The following ZFPM2 variants were observed in gnomAD, a reference collection of about 807,000 sequenced individuals.
ZFPM2 encodes zinc finger protein, FOG family member 2, also known as zinc finger protein ZFPM2.
In ZFPM2, 20 loss-of-function variants were observed where a neutral mutation model predicts 98.6. That is an observed-to-expected ratio of 0.20 (90% confidence interval 0.14 to 0.29). The LOEUF (loss-of-function observed/expected upper bound fraction) is 0.29, where lower values mean the gene tolerates loss of function less well. ZFPM2 is among the 10% of genes least tolerant of loss of function. The pLI, the probability that ZFPM2 is intolerant of heterozygous loss-of-function variation, is 1.00. For missense variants in ZFPM2, 1,310 were observed against 1,388.6 expected (o/e 0.94, Z 0.90); for synonymous variants, 518 against 502.7 (o/e 1.03, Z -0.41).
At chr8:105,454,837 C>T (rs144347958) in intron 3 of ZFPM2, among the ~76,000 whole-genome samples, 199 of 152,200 alleles carry the variant, frequency 1.3e-3, no homozygotes, top group African/African-American at 4.5e-3. Context: ...CTTCACCCTC[C>T]AAAAGTGACT....
intron 2 of ZFPM2, among the ~76,000 whole-genome samples, chr8:105,429,770 A>G (rs1305970351): frequency 6.6e-6 from 1 of 151,516 alleles, no homozygotes; most frequent in Non-Finnish European, 1.5e-5. Context: ...GATGTGTTTT[A>G]TTTACAATAT....
chr8:105,760,330 A>C (rs1812707022), intron 5 of ZFPM2, among the ~76,000 whole-genome samples: 1 of 152,088 alleles, frequency 6.6e-6, no homozygotes, highest in Admixed American at 6.6e-5. Flanking sequence ...TACATATTTA[A>C]AAGAAATTTA....
chr8:105,335,884 C>T (rs1812316078), intron 1 of ZFPM2, among the ~76,000 whole-genome samples: 1 of 151,738 alleles, frequency 6.6e-6, no homozygotes, highest in South Asian at 2.1e-4. Flanking sequence ...ATGGTGCTGC[C>T]CCTCCCTAAC....
intron 1 of ZFPM2, among the ~76,000 whole-genome samples, chr8:105,409,155 T>C (rs1169844369): frequency 6.6e-6 from 1 of 151,810 alleles, no homozygotes; most frequent in Non-Finnish European, 1.5e-5. Flanking sequence ...TGTTAGGCCC[T>C]CAAAAGAGGG....
intron 3 of ZFPM2, among the ~76,000 whole-genome samples, chr8:105,446,825 A>T (rs1812381132): frequency 6.6e-6 from 1 of 152,172 alleles, no homozygotes; most frequent in Non-Finnish European, 1.5e-5. Flanking sequence ...TTTTATTATT[A>T]TGAAAATCCC....
chr8:105,666,154 T>C (rs1011571689), intron 5 of ZFPM2, among the ~76,000 whole-genome samples: 2 of 152,182 alleles, frequency 1.3e-5, no homozygotes, highest in African/African-American at 4.8e-5. Context: ...ATTTCAGGGA[T>C]GGGGGCAGGT....
At chr8:105,328,365 G>T (rs536840094) in intron 1 of ZFPM2, among the ~76,000 whole-genome samples, 14 of 151,784 alleles carry the variant, frequency 9.2e-5, no homozygotes, top group Admixed American at 7.2e-4. Flanking sequence ...ACAAAGTGAG[G>T]CAAGAAGACA....
chr8:105,684,239 A>G (rs1162500656), intron 5 of ZFPM2, among the ~76,000 whole-genome samples: 1 of 152,168 alleles, frequency 6.6e-6, no homozygotes, highest in African/African-American at 2.4e-5. Flanking sequence ...AATTTGTTAT[A>G]TACGTCCCTT....
In ZFPM2 at chr8:105,342,977, T is replaced by C. The variant is rs539752655; in HGVS notation, c.40+23996T>C. ...GGAGGCAGACTCAAGTGCTTAAGGC[T>C]GAGAGGGGACATACTACATGCCTGA... is the stretch of plus-strand genomic sequence containing the variant. On this transcript the variant is annotated intron_variant, in intron 1 of 7. Transcript: ENST00000407775. 2.0e-5 allele frequency among the ~76,000 whole-genome samples: 3 copies of C among 152,132 alleles called. No individual in the cohort carries two copies. In the South Asian group the frequency reaches 6.2e-4, roughly 32 times the overall value.
At chr8:105,397,941 G>A (rs1277150076) in intron 1 of ZFPM2, among the ~76,000 whole-genome samples, 1 of 152,046 alleles carries the variant, frequency 6.6e-6, no homozygotes, top group Non-Finnish European at 1.5e-5. Flanking sequence ...ATAATGAGAG[G>A]TTTAACCAGC....
chr8:105,583,479 T>G (rs1487238925), intron 4 of ZFPM2, among the ~76,000 whole-genome samples: 1 of 152,116 alleles, frequency 6.6e-6, no homozygotes, highest in African/African-American at 2.4e-5. Flanking sequence ...AACAGTAAAT[T>G]TGGGGTTATC....
intron 2 of ZFPM2, among the ~76,000 whole-genome samples, chr8:105,433,193 A>T (rs1321305439): frequency 6.6e-6 from 1 of 152,230 alleles, no homozygotes; most frequent in African/African-American, 2.4e-5. Flanking sequence ...GAGGAATAAA[A>T]TTATCAAGAG....
intron 3 of ZFPM2, among the ~76,000 whole-genome samples, chr8:105,469,450 G>A (rs553509194): frequency 6.6e-6 from 1 of 151,766 alleles, no homozygotes; most frequent in Non-Finnish European, 1.5e-5. Context: ...TTTCTACCTA[G>A]CCAGTTTCTT....
intron 5 of ZFPM2, among the ~76,000 whole-genome samples, chr8:105,760,224 T>C (rs1812705051): frequency 6.6e-6 from 1 of 151,868 alleles, no homozygotes; most frequent in Non-Finnish European, 1.5e-5. Context: ...TGGAGCATAA[T>C]TAAAGAGGAA....
chr8:105,722,572 C>G (rs577247585), intron 5 of ZFPM2, among the ~76,000 whole-genome samples: 1 of 151,850 alleles, frequency 6.6e-6, no homozygotes, highest in South Asian at 2.1e-4. Flanking sequence ...TATATTCTTA[C>G]AGTAAGGTAA....
At chr8:105,676,587 A>G (rs1380405466) in intron 5 of ZFPM2, among the ~76,000 whole-genome samples, 2 of 152,088 alleles carry the variant, frequency 1.3e-5, no homozygotes, top group Non-Finnish European at 2.9e-5. Flanking sequence ...AAAAATACGC[A>G]TGGAAAAAAT....
chr8:105,336,970 A>G (rs867446383), intron 1 of ZFPM2, among the ~76,000 whole-genome samples: 7 of 151,828 alleles, frequency 4.6e-5, no homozygotes, highest in Middle Eastern at 3.4e-3. Context: ...ATTTTTCCAG[A>G]CGGTTCTGGA....
intron 5 of ZFPM2, 88 bp from the exon 6 acceptor site, chr8:105,788,630 T>C: frequency 7.7e-7 from 1 of 1,292,486 alleles, no homozygotes; most frequent in Admixed American, 1.7e-5. Context: ...GTGAAAAACA[T>C]GAGAAGGTGC....
At chr8:105,716,432 A>G (rs1322367621) in intron 5 of ZFPM2, among the ~76,000 whole-genome samples, 1 of 151,976 alleles carries the variant, frequency 6.6e-6, no homozygotes, top group Non-Finnish European at 1.5e-5. Flanking sequence ...ATACATACAT[A>G]CAGATATATC....
Sources: allele counts gnomAD v4.1 joint callset (sites outside exome capture counted in the v4.1 genomes callset), GRCh38; gene constraint gnomAD v4.1.1; transcripts MANE v1.5; gene names NCBI Gene and HGNC (gene_info 2026-07-23, HGNC 2026-07-21).